CFAP299: variants seen among roughly 807,000 people sequenced by gnomAD.
CFAP299 encodes the protein cilia- and flagella-associated protein 299.
A neutral mutation model predicts 27.0 loss-of-function variants in CFAP299; 21 were observed. That is an observed-to-expected ratio of 0.78 (90% CI 0.55 to 1.12). The LOEUF (loss-of-function observed/expected upper bound fraction) is 1.12. Ranked by LOEUF, CFAP299 falls within the 50% of genes most tolerant of loss-of-function variation. The probability of loss-of-function intolerance (pLI) is 0.00; values close to 1 mark genes in which losing one functional copy is unlikely to be tolerated. For synonymous variants in CFAP299, 104 were observed against 98.1 expected (o/e 1.06, Z -0.36); for missense variants, 310 against 276.6 (o/e 1.12, Z -0.86).
intron 2 of CFAP299, among the ~76,000 whole-genome samples, chr4:80,450,853 G>A (rs1399424089): frequency 6.6e-6 from 1 of 151,352 alleles, no homozygotes; most frequent in Non-Finnish European, 1.5e-5. Context: ...CTCAAGCAGA[G>A]TTAGGCAAGA....
rs1356703130 is a variant in CFAP299, at chr4:80,800,385, A to T, written c.334-69608A>T. On this transcript the variant is annotated intron_variant, in intron 3 of 5. Transcript: ENST00000358105. ...TATTAATATAATATATATAATATATAATATATTAATATAATATATATTGAT... is the reference window on the plus strand; with the variant it reads ...TATTAATATAATATATATAATATATTATATATTAATATAATATATATTGAT... Among the ~76,000 whole-genome samples the T allele has an allele frequency of 5.4e-3, 317 of 58,666 alleles. 25 individuals are homozygous for T. The highest frequency in any genetic ancestry group is 0.028 in the African/African-American group (298 of 10,618). The allele number at this position is 58,666 out of a possible 152,430, so 38.5% of individuals were successfully genotyped here.
intron 2 of CFAP299, among the ~76,000 whole-genome samples, chr4:80,462,330 G>A (rs1033410965): frequency 2.0e-5 from 3 of 151,976 alleles, no homozygotes; most frequent in Non-Finnish European, 4.4e-5. Context: ...CCTTTCATGA[G>A]CAACCATTCT....
At chr4:80,386,418 TC>T in intron 2 of CFAP299, 1 of 1,544,510 alleles carries the variant, frequency 6.5e-7, no homozygotes, top group Non-Finnish European at 8.7e-7. Flanking sequence ...GTCCTTCATC[TC>T]CTCCAGCCCC....
intron 3 of CFAP299, among the ~76,000 whole-genome samples, chr4:80,747,087 T>C (rs543097456): frequency 6.6e-6 from 1 of 152,132 alleles, no homozygotes; most frequent in East Asian, 1.9e-4. Context: ...TCCCTTCTGC[T>C]TTCTATTTAA....
At chr4:80,924,454 G>A (rs1736199264) in intron 4 of CFAP299, among the ~76,000 whole-genome samples, 1 of 150,450 alleles carries the variant, frequency 6.6e-6, no homozygotes. Context: ...ATGGGAATTT[G>A]GACCACTTTA....
At chr4:80,952,625 T>C (rs1208764490) in intron 5 of CFAP299, among the ~76,000 whole-genome samples, 3 of 152,154 alleles carry the variant, frequency 2.0e-5, no homozygotes, top group African/African-American at 7.2e-5. Flanking sequence ...TCTTTCTTTT[T>C]CTCTGAGCAA....
chr4:80,390,906 T>TATGTATATACACACATATGTATAC (rs1157981385), intron 2 of CFAP299, among the ~76,000 whole-genome samples: 1 of 118,710 alleles, frequency 8.4e-6, no homozygotes, highest in African/African-American at 2.7e-5. Flanking sequence ...CATATGCATA[T>TATGTATATACACACATATGTATAC]ATGTATATAC....
At chr4:80,467,272 T>C (rs1414143018) in intron 2 of CFAP299, among the ~76,000 whole-genome samples, 2 of 152,204 alleles carry the variant, frequency 1.3e-5, no homozygotes, top group Non-Finnish European at 2.9e-5. Context: ...ATTCCCACCC[T>C]CTCTAGGTTT....
At chr4:80,413,576 A>G (rs545963323) in intron 2 of CFAP299, among the ~76,000 whole-genome samples, 156 of 152,190 alleles carry the variant, frequency 1.0e-3, no homozygotes, top group Non-Finnish European at 1.7e-3. Flanking sequence ...TGGAGGAACT[A>G]TAGAGAGTGG....
intron 3 of CFAP299, among the ~76,000 whole-genome samples, chr4:80,587,715 C>T (rs1477948298): frequency 2.6e-5 from 4 of 152,088 alleles, no homozygotes; most frequent in African/African-American, 9.7e-5. Context: ...CCTCAGCCTC[C>T]TGAAAAGCTG....
chr4:80,610,978 C>T (rs1195745674), intron 3 of CFAP299, among the ~76,000 whole-genome samples: 1 of 151,994 alleles, frequency 6.6e-6, no homozygotes, highest in Non-Finnish European at 1.5e-5. Context: ...GTTCCAAACC[C>T]CTTTAGAGCA....
chr4:80,714,959 C>A (rs1393299417), intron 3 of CFAP299, among the ~76,000 whole-genome samples: 2 of 152,132 alleles, frequency 1.3e-5, no homozygotes, highest in African/African-American at 4.8e-5. Flanking sequence ...CTTATAATTG[C>A]ATTTAATCAA....
chr4:80,496,813 C>T lies in CFAP299; in HGVS notation c.243-86280C>T, dbSNP rs149854301. ...ACAGGAAGCATAATGCTGGCATCTG[C>T]TTGGCTTCTGGGGAGGCCTCAGGAA... On this transcript the variant is annotated intron_variant, in intron 2 of 5. Transcript: ENST00000358105. Among the ~76,000 whole-genome samples the T allele has an allele frequency of 1.9e-3, 290 of 152,212 alleles. 1 individual carries two copies. Among genetic ancestry groups the T allele is most frequent in the African/African-American group, 6.1e-3 (253 of 41,542 alleles).
chr4:80,944,603 A>G (rs867875659), intron 4 of CFAP299, among the ~76,000 whole-genome samples: 1 of 152,324 alleles, frequency 6.6e-6, no homozygotes, highest in South Asian at 2.1e-4. Context: ...ATGCAAAAGC[A>G]TCATAAATAT....
intron 3 of CFAP299, among the ~76,000 whole-genome samples, chr4:80,767,020 A>G (rs1466177951): frequency 6.6e-6 from 1 of 152,164 alleles, no homozygotes. Flanking sequence ...CCTTATCCGA[A>G]GGATATATTC....
chr4:80,437,532 C>T (rs140769306), intron 2 of CFAP299, among the ~76,000 whole-genome samples: 14 of 152,250 alleles, frequency 9.2e-5, no homozygotes, highest in Non-Finnish European at 1.9e-4. Context: ...TACTGAGTCA[C>T]GTTGCAGAAG....
At chr4:80,458,563 A>G (rs950924368) in intron 2 of CFAP299, among the ~76,000 whole-genome samples, 9 of 152,174 alleles carry the variant, frequency 5.9e-5, no homozygotes, top group Non-Finnish European at 1.2e-4. Flanking sequence ...GTTTAAGACA[A>G]GAGCTCTCTA....
At chr4:80,745,478 T>G (rs1216164205) in intron 3 of CFAP299, among the ~76,000 whole-genome samples, 1 of 152,148 alleles carries the variant, frequency 6.6e-6, no homozygotes, top group Non-Finnish European at 1.5e-5. Flanking sequence ...TTGTATTTAG[T>G]TTGATAATTA....
intron 2 of CFAP299, among the ~76,000 whole-genome samples, chr4:80,379,565 A>G: frequency 6.6e-6 from 1 of 151,730 alleles, no homozygotes; most frequent in East Asian, 1.9e-4. Flanking sequence ...ATTTAGTTGG[A>G]TTTCACAAAT....
Sources: gnomAD v4.1 joint callset for allele counts (sites outside exome capture counted in the v4.1 genomes callset) on GRCh38, gnomAD v4.1.1 for gene constraint, MANE v1.5 for transcripts, NCBI Gene and HGNC (gene_info 2026-07-23, HGNC 2026-07-21) for gene names.